DIP2A: variants seen among roughly 807,000 people sequenced by gnomAD.
The protein encoded by DIP2A is disco-interacting protein 2 homolog A.
A neutral mutation model predicts 177.4 loss-of-function variants in DIP2A; 85 were observed. The ratio of observed to expected loss-of-function variants is 0.48; its 90% CI spans 0.40 to 0.57. The LOEUF (loss-of-function observed/expected upper bound fraction) is 0.57, where lower values mean the gene tolerates loss of function less well. DIP2A is among the 20% of genes least tolerant of loss of function. The pLI, the probability that DIP2A is intolerant of heterozygous loss-of-function variation, is 0.00. For synonymous variants in DIP2A, 886 were observed against 881.8 expected, an observed-to-expected ratio of 1.00 and a Z score of -0.08; for missense variants, 1,791 against 2,100.2, an observed-to-expected ratio of 0.85 and a Z score of 2.88.
At chr21:46,547,163 C>T (rs377564260) in intron 21 of DIP2A, 121 bp downstream of exon 21, 2 of 1,458,840 alleles carry the variant, frequency 1.4e-6, no homozygotes, top group East Asian at 4.9e-5. Flanking sequence ...AATTGTTGTA[C>T]ATCAGAAAAC....
intron 1 of DIP2A, among the ~76,000 whole-genome samples, chr21:46,460,946 G>A (rs963410726): frequency 1.3e-5 from 2 of 151,686 alleles, no homozygotes; most frequent in Non-Finnish European, 2.9e-5. Context: ...CGCCTGCCTC[G>A]GCCTCCCAAA....
intron 1 of DIP2A, among the ~76,000 whole-genome samples, chr21:46,481,019 A>G (rs929417121): frequency 3.3e-5 from 5 of 152,206 alleles, no homozygotes; most frequent in African/African-American, 1.2e-4. Context: ...AAGCTATGCC[A>G]CTGCACTCCA....
chr21:46,544,500 G>C (rs2059949404), intron 18 of DIP2A, among the ~76,000 whole-genome samples: 1 of 152,198 alleles, frequency 6.6e-6, no homozygotes, highest in Admixed American at 6.5e-5. Context: ...CTGCGCTCTG[G>C]AAAGAATGTG....
At chr21:46,555,687 C>T in intron 28 of DIP2A, 2 of 416,326 alleles carry the variant, frequency 4.8e-6, no homozygotes, top group Non-Finnish European at 8.9e-6. Context: ...AATCCCTAGT[C>T]CTCTAATCTT....
At chr21:46,573,671 AAAAAAAAAAAAAGAT>A (rs2060979806), downstream of DIP2A, among the ~76,000 whole-genome samples, 13 of 120,180 alleles carry the variant, frequency 1.1e-4, 1 homozygote, top group African/African-American at 3.2e-4. Flanking sequence ...AAAAAAAAAA[AAAAAAAAAAAAAGAT>A]ATTCCATGCA....
At chr21:46,467,744 TG>T (rs1327591422) in intron 1 of DIP2A, among the ~76,000 whole-genome samples, 1 of 152,078 alleles carries the variant, frequency 6.6e-6, no homozygotes, top group Non-Finnish European at 1.5e-5. Flanking sequence ...AGGTTTTGTT[TG>T]TTTTTTTTTT....
At chr21:46,515,911 T>G (rs1305197867) in intron 8 of DIP2A, among the ~76,000 whole-genome samples, 1 of 152,154 alleles carries the variant, frequency 6.6e-6, no homozygotes, top group Non-Finnish European at 1.5e-5. Flanking sequence ...CATTCCTTCC[T>G]GAGATTCTGT....
rs1491508581 is a variant in DIP2A at position 46,547,655 on chromosome 21, CCT to C, written c.2522+614_2522+615del. Among the ~76,000 whole-genome samples the C allele has an allele frequency of 1.2e-3, 125 of 102,416 alleles. No individual in the cohort carries two copies. In the Middle Eastern group the frequency reaches 0.021, roughly 17 times the overall value. 67.2% of individuals were successfully genotyped at this position (102,416 alleles called of 152,430 possible). ...AAATTTTATTTTTCTCAAGGGGGTG[CCT>C]TTTTTTTTTTTTTTTTTTTTTTTTT... On this transcript the variant is annotated intron_variant, in intron 21 of 37. Transcript: ENST00000417564.
intron 18 of DIP2A, among the ~76,000 whole-genome samples, chr21:46,542,904 C>T (rs1327853891): frequency 6.6e-6 from 1 of 152,246 alleles, no homozygotes; most frequent in Non-Finnish European, 1.5e-5. Context: ...TGCTAACCGG[C>T]TGTGGCTGCT....
Position 46,556,944 on chromosome 21 carries a change from G to C in DIP2A, c.3504G>C (p.Ser1168=). 1.3e-6 allele frequency: 2 copies of C among 1,560,400 alleles called. No homozygotes were observed. The highest frequency in any genetic ancestry group is 2.3e-5 in the South Asian group (2 of 86,034). The part of the protein sequence containing the change: ...TTGILAGVKM[S]HAATSALCRS... ...AACTTTATTTTACTCTTAAGATGTCGCACGCGGCCACAAGCGCCTTATGCC... is the reference window on the plus strand; with the variant it reads ...AACTTTATTTTACTCTTAAGATGTCCCACGCGGCCACAAGCGCCTTATGCC... Residue 1168 remains serine, a synonymous_variant, in exon 30 of 38, where the codon TCG becomes TCC. Coordinates refer to ENST00000417564, the MANE Select transcript of DIP2A (RefSeq NM_015151.4). The surrounding 1 kb of genome is among the most constrained non-coding windows in gnomAD (Gnocchi z 4.5).
At chr21:46,573,867 A>G (rs1052852050), downstream of DIP2A, among the ~76,000 whole-genome samples, 1 of 152,058 alleles carries the variant, frequency 6.6e-6, no homozygotes, top group South Asian at 2.1e-4. Context: ...AAAACTGACA[A>G]TAGAAGGGAG....
At chr21:46,469,352 C>T (rs933408921) in intron 1 of DIP2A, 13 of 152,224 alleles carry the variant, frequency 8.5e-5, no homozygotes, top group Non-Finnish European at 1.6e-4. Flanking sequence ...AACCCATCAG[C>T]AGGATGGATC....
At chr21:46,543,087 C>T (rs2059884100) in intron 18 of DIP2A, among the ~76,000 whole-genome samples, 1 of 152,172 alleles carries the variant, frequency 6.6e-6, no homozygotes, top group South Asian at 2.1e-4. Flanking sequence ...ATACAAATGG[C>T]ATCATTTTTT....
chr21:46,474,270 G>A (rs1601380545), intron 1 of DIP2A, among the ~76,000 whole-genome samples: 1 of 152,322 alleles, frequency 6.6e-6, no homozygotes, highest in East Asian at 1.9e-4. Flanking sequence ...TCTGAGTGGT[G>A]GGACCCAGAG....
chr21:46,542,349 T>C (rs1222288093), intron 18 of DIP2A, among the ~76,000 whole-genome samples: 1 of 152,250 alleles, frequency 6.6e-6, no homozygotes, highest in Non-Finnish European at 1.5e-5. Context: ...TGTTGAAGCA[T>C]TTAACCCCAT....
chr21:46,532,613 G>C (rs1315095256), intron 10 of DIP2A, among the ~76,000 whole-genome samples: 1 of 152,024 alleles, frequency 6.6e-6, no homozygotes, highest in Non-Finnish European at 1.5e-5. Context: ...TATGTTTATA[G>C]AAAATAATTA....
At chr21:46,578,235 C>A in the DIP2A span, among the ~76,000 whole-genome samples, 1 of 152,164 alleles carries the variant, frequency 6.6e-6, no homozygotes, top group South Asian at 2.1e-4. Flanking sequence ...TTGCTTGAAC[C>A]TGGGAGGCGG....
At chr21:46,496,516 T>G (rs1156772758) in intron 3 of DIP2A, among the ~76,000 whole-genome samples, 1 of 152,202 alleles carries the variant, frequency 6.6e-6, no homozygotes, top group African/African-American at 2.4e-5. Context: ...GGAAGAAGAA[T>G]AATTATCCTG....
In DIP2A at chr21:46,543,240, T is replaced by C. The variant is rs557697583; in HGVS notation, c.2176+1345T>C. Reference sequence around the variant, plus strand: ...AAAACATTTTCACAGACAGCAATCATTGGGGTGTCACTTATTTACTCATGG... The same window carrying C: ...AAAACATTTTCACAGACAGCAATCACTGGGGTGTCACTTATTTACTCATGG... On this transcript the variant is annotated intron_variant, in intron 18 of 37. Transcript: ENST00000417564. 1.7e-4 allele frequency among the ~76,000 whole-genome samples: 26 copies of C among 152,286 alleles called. 1 individual carries two copies. In the South Asian group the frequency reaches 2.5e-3, roughly 15 times the overall value.
Sources: allele counts gnomAD v4.1 joint callset (sites outside exome capture counted in the v4.1 genomes callset), GRCh38; gene constraint gnomAD v4.1.1; non-coding constraint Gnocchi (gnomAD v3.1); transcripts MANE v1.5; gene names NCBI Gene and HGNC (gene_info 2026-07-23, HGNC 2026-07-21).